Variants in NAV2 observed in about 807,000 individuals in gnomAD.
The protein encoded by NAV2 is neuron navigator 2.
A neutral mutation model predicts 223.2 loss-of-function variants in NAV2; 54 were observed. The ratio of observed to expected loss-of-function variants is 0.24; its 90% CI spans 0.19 to 0.30. The LOEUF (loss-of-function observed/expected upper bound fraction) is 0.30, where lower values mean the gene tolerates loss of function less well. Ranked by LOEUF, NAV2 falls within the 10% of genes least tolerant of loss-of-function variation. NAV2 has a pLI of 1.00. For missense variants in NAV2, 2,806 were observed against 3,147.5 expected (o/e 0.89, Z 2.60); for synonymous variants, 1,279 against 1,239.3 (o/e 1.03, Z -0.67).
At chr11:19,357,433 G>T (rs555059352) in intron 1 of NAV2, among the ~76,000 whole-genome samples, 1 of 152,286 alleles carries the variant, frequency 6.6e-6, no homozygotes, top group South Asian at 2.1e-4. Context: ...AAATTAGGAT[G>T]CTAATAATAA....
chr11:19,565,661 C>T lies in NAV2; in HGVS notation c.75+214634C>T, dbSNP rs115325272. On this transcript the variant is annotated intron_variant, in intron 1 of 37. Transcript: ENST00000360655. ...AAATTGACAGCCCGCCTTTTTTTTC[C>T]ACAGAAATTAATGCCAGTAAAATGA... 3.6e-3 allele frequency among the ~76,000 whole-genome samples: 545 copies of T among 152,084 alleles called. 2 individuals are homozygous for T. Among genetic ancestry groups the T allele is most frequent in the African/African-American group, 0.012 (495 of 41,482 alleles).
intron 10 of NAV2, among the ~76,000 whole-genome samples, chr11:19,968,053 T>C (rs1157772446): frequency 6.6e-6 from 1 of 152,178 alleles, no homozygotes; most frequent in African/African-American, 2.4e-5. Flanking sequence ...GATAAGGAAG[T>C]GGACTGTGGC....
intron 1 of NAV2, among the ~76,000 whole-genome samples, chr11:19,660,251 G>A (rs77204779): frequency 0.037 from 5,633 of 152,200 alleles, 357 homozygotes; most frequent in African/African-American, 0.13. Flanking sequence ...GACTTCACTC[G>A]GCCACTGCAT....
chr11:19,497,291 T>C (rs948825447), intron 1 of NAV2, among the ~76,000 whole-genome samples: 1 of 152,188 alleles, frequency 6.6e-6, no homozygotes. Flanking sequence ...GCCCAGAACA[T>C]TGTAAGTGCC....
chr11:19,589,780 G>C (rs1462159899), intron 1 of NAV2, among the ~76,000 whole-genome samples: 1 of 152,228 alleles, frequency 6.6e-6, no homozygotes, highest in African/African-American at 2.4e-5. Flanking sequence ...TGGGAGCACA[G>C]ATGCTTGGTA....
intron 26 of NAV2, among the ~76,000 whole-genome samples, chr11:20,088,900 C>G (rs933573127): frequency 1.3e-5 from 2 of 151,874 alleles, no homozygotes; most frequent in African/African-American, 2.4e-5. Context: ...GGGAGTATCA[C>G]AGTGAAATTT....
intron 1 of NAV2, among the ~76,000 whole-genome samples, chr11:19,470,764 G>C (rs540328496): frequency 6.6e-6 from 1 of 152,116 alleles, no homozygotes; most frequent in Non-Finnish European, 1.5e-5. Context: ...TCAATTCTTC[G>C]ATCCAAAGAT....
At chr11:19,381,739 T>A (rs991938540) in intron 1 of NAV2, among the ~76,000 whole-genome samples, 2 of 152,080 alleles carry the variant, frequency 1.3e-5, no homozygotes, top group Admixed American at 6.6e-5. Flanking sequence ...TCAGGGCAAA[T>A]GTGGCCATTT....
intron 1 of NAV2, among the ~76,000 whole-genome samples, chr11:19,723,857 T>C (rs2050987866): frequency 1.3e-5 from 2 of 152,214 alleles, no homozygotes. Flanking sequence ...TGATTTGCTT[T>C]GATTCTTTTC....
intron 1 of NAV2, among the ~76,000 whole-genome samples, chr11:19,690,141 T>C (rs2049128854): frequency 6.6e-6 from 1 of 152,190 alleles, no homozygotes; most frequent in Non-Finnish European, 1.5e-5. Context: ...TTTGTATTTT[T>C]AGTAGAGGTG....
chr11:19,688,804 A>G (rs1270662703), intron 1 of NAV2, among the ~76,000 whole-genome samples: 2 of 152,112 alleles, frequency 1.3e-5, no homozygotes, highest in Non-Finnish European at 2.9e-5. Flanking sequence ...GGAAAGTGGG[A>G]CTATGAGTAT....
intron 1 of NAV2, among the ~76,000 whole-genome samples, chr11:19,782,085 C>CAT (rs1196723842): frequency 6.6e-6 from 1 of 152,176 alleles, no homozygotes; most frequent in Non-Finnish European, 1.5e-5. Context: ...TTGTAACTGG[C>CAT]ATAGATTTGA....
In NAV2 at chr11:19,785,348, G is replaced by A. The variant is rs912066126; in HGVS notation, c.268-47136G>A. Among the ~76,000 whole-genome samples the A allele has an allele frequency of 9.2e-5, 14 of 152,312 alleles. No homozygotes were observed. The South Asian group carries it at 2.7e-3, about 29-fold the overall frequency. ...TGACTGGCAAAGCAAAGATTATAAA[G>A]AGCGAGAAGAGAGAGCACTTAGAAT... On this transcript the variant is annotated intron_variant, in intron 1 of 37. Transcript: ENST00000349880.
In NAV2 at chr11:19,590,803, A is replaced by G. The variant is rs149398698; in HGVS notation, c.75+239776A>G. Among the ~76,000 whole-genome samples, 1,137 of 152,274 alleles carry G rather than the reference A, an allele frequency of 7.5e-3. 29 individuals carry two copies. Among genetic ancestry groups the G allele is most frequent in the East Asian group, 0.04 (208 of 5,180 alleles). On this transcript the variant is annotated intron_variant, in intron 1 of 37. Transcript: ENST00000360655. ...TATTTAAGGAATTTTACATGTTGTC[A>G]TTCGTTCCACTGCCCATCAGGGTCA...
At chr11:19,596,496 T>G (rs2046209805) in intron 1 of NAV2, among the ~76,000 whole-genome samples, 1 of 152,118 alleles carries the variant, frequency 6.6e-6, no homozygotes, top group African/African-American at 2.4e-5. Context: ...GTTCCCCTAA[T>G]CAGGATGGAG....
chr11:19,773,249 G>A (rs1453144712), intron 1 of NAV2, among the ~76,000 whole-genome samples: 3 of 152,198 alleles, frequency 2.0e-5, no homozygotes, highest in South Asian at 2.1e-4. Flanking sequence ...GTGATTGAAC[G>A]ATGTGGGACA....
At chr11:19,941,809 C>T (rs780310816) in intron 8 of NAV2, among the ~76,000 whole-genome samples, 11 of 152,190 alleles carry the variant, frequency 7.2e-5, no homozygotes, top group Non-Finnish European at 1.0e-4. Flanking sequence ...CTGTTGTTGA[C>T]GGCTTCAGCA....
At chr11:19,878,628 T>A (rs778789675) in intron 4 of NAV2, among the ~76,000 whole-genome samples, 2 of 152,172 alleles carry the variant, frequency 1.3e-5, no homozygotes, top group Admixed American at 6.5e-5. Flanking sequence ...GAAGTTCGTA[T>A]TGTCAGTTTC....
intron 1 of NAV2, among the ~76,000 whole-genome samples, chr11:19,475,209 C>T (rs1017175134): frequency 2.6e-5 from 4 of 152,202 alleles, no homozygotes; most frequent in South Asian, 2.1e-4. Context: ...ATATGAGCAA[C>T]GGCGTGTGTA....
Sources: gnomAD v4.1 joint callset for allele counts (sites outside exome capture counted in the v4.1 genomes callset) on GRCh38, gnomAD v4.1.1 for gene constraint, MANE v1.5 for transcripts, NCBI Gene and HGNC (gene_info 2026-07-23, HGNC 2026-07-21) for gene names.